The following CERS5 variants were observed in gnomAD, a reference collection of about 807,000 sequenced individuals.
The protein encoded by CERS5 is ceramide synthase 5.
Under a neutral mutation model 58.9 loss-of-function variants are expected in CERS5, and 37 were observed. That is an observed-to-expected ratio of 0.63 (90% CI 0.48 to 0.83). CERS5 has a LOEUF of 0.83. Among genes scored for constraint, CERS5 ranks in the 40% least tolerant of loss-of-function variants. The probability of loss-of-function intolerance (pLI) is 0.00; values close to 1 mark genes in which losing one functional copy is unlikely to be tolerated. For synonymous variants in CERS5, 147 were observed against 177.8 expected (o/e 0.83, Z 1.38); for missense variants, 398 against 489.3 (o/e 0.81, Z 1.76).
intron 1 of CERS5, among the ~76,000 whole-genome samples, chr12:50,159,889 C>G (rs539220511): frequency 6.6e-6 from 1 of 151,886 alleles, no homozygotes; most frequent in Non-Finnish European, 1.5e-5. Flanking sequence ...CCGTGCCCAG[C>G]CTGTAATTTA....
chr12:50,132,074 C>T (rs1447332828), intron 9 of CERS5, among the ~76,000 whole-genome samples: 1 of 151,590 alleles, frequency 6.6e-6, no homozygotes, highest in Non-Finnish European at 1.5e-5. Flanking sequence ...CACTGTACTC[C>T]AGCCTGGGCA....
intron 8 of CERS5, 98 bp from the exon 9 acceptor site, chr12:50,134,800 A>G: frequency 3.5e-6 from 4 of 1,141,548 alleles, no homozygotes; most frequent in Admixed American, 2.3e-5. Context: ...GTGTTTTCCT[A>G]CCAGCCCTTT....
intron 9 of CERS5, among the ~76,000 whole-genome samples, chr12:50,131,246 A>G (rs1951299374): frequency 6.6e-6 from 1 of 152,132 alleles, no homozygotes; most frequent in Non-Finnish European, 1.5e-5. Flanking sequence ...CCCAATAGCA[A>G]GATCACTTTT....
At chr12:50,132,228 C>T (rs1476243096) in intron 9 of CERS5, among the ~76,000 whole-genome samples, 5 of 151,880 alleles carry the variant, frequency 3.3e-5, no homozygotes, top group African/African-American at 7.3e-5. Flanking sequence ...GAAGAAACCC[C>T]GTCTCTACTA....
chr12:50,142,114 G>A lies in CERS5; in HGVS notation c.435-4C>T, dbSNP rs778254438. On this transcript the variant is annotated splice_polypyrimidine_tract_variant and splice_region_variant and intron_variant, in intron 3 of 9. Transcript: ENST00000317551. ...TAAATAAAATGTGAATCTCCACCTG[G>A]GTGGGCAAAGAGTAAAGGTTAGACA... 1 of 1,595,618 alleles carries A rather than the reference G, an allele frequency of 6.3e-7. No individual in the cohort carries two copies. Among genetic ancestry groups the A allele is most frequent in the Admixed American group, 1.7e-5 (1 of 59,032 alleles).
chr12:50,149,533 ACT>A (rs2138161705), intron 1 of CERS5, among the ~76,000 whole-genome samples: 1 of 152,318 alleles, frequency 6.6e-6, no homozygotes, highest in Non-Finnish European at 1.5e-5. Flanking sequence ...TCATTACACC[ACT>A]GATGAATATG....
In CERS5 at chr12:50,165,931, T is replaced by G. The variant is rs111269432; in HGVS notation, c.197+1170A>C. Reference sequence around the variant, plus strand: ...ATAATATCACACACCAAAGCCTCAGTGAATATCTTTATCTTGGACAAACAT... The same window carrying G: ...ATAATATCACACACCAAAGCCTCAGGGAATATCTTTATCTTGGACAAACAT... On this transcript the variant is annotated intron_variant, in intron 1 of 9. Transcript: ENST00000317551. 2,422 of 455,094 alleles carry G rather than the reference T, an allele frequency of 5.3e-3. 13 individuals are homozygous for G. The highest frequency in any genetic ancestry group is 7.1e-3 in the Non-Finnish European group (1,597 of 226,430). 28.2% of individuals were successfully genotyped at this position (455,094 alleles called of 1,614,324 possible).
rs575343003 is a variant in CERS5 at position 50,130,085 on chromosome 12, C to T, written c.*460G>A. ...TTCCAGCTGTGAAAGAGGAACAGTA[C>T]AGAAATGTGGGACTGAACTTGGCTG... On this transcript the variant is annotated 3_prime_UTR_variant, in exon 10 of 10. Transcript: ENST00000317551. 6.5e-6 allele frequency: 1 copy of T among 154,064 alleles called. No homozygotes were observed. Among genetic ancestry groups the T allele is most frequent in the South Asian group, 2.1e-4 (1 of 4,854 alleles). 9.5% of individuals were successfully genotyped at this position (154,064 alleles called of 1,614,324 possible).
Position 50,167,204 on chromosome 12 carries a change from G to C in CERS5, c.94C>G (p.Leu32Val), listed in dbSNP as rs138565968. 280 of 1,607,464 alleles carry C rather than the reference G, an allele frequency of 1.7e-4. 2 individuals carry two copies. The highest frequency in any genetic ancestry group is 1.7e-4 in the Middle Eastern group (1 of 6,054). ...CCGTAGCCGTCGGCCGGCCCCTCCA[G>C]ATCAGCCCAGCTCACGTTCTCGGGT... ...WLPENVSWAD[L>V]EGPADGYGYP... Residue 32 changes from leucine to valine, a missense_variant, in exon 1 of 10, where the codon CTG (leucine) becomes GTG (valine). Around this residue, in one of 3 missense-constraint regions of CERS5, gnomAD observed 328 missense variants for 384.5 expected, o/e 0.85. Transcript: ENST00000317551.
rs1951813604 is a variant in CERS5 at position 50,138,622 on chromosome 12, G to C, written c.493-5C>G. On this transcript the variant is annotated splice_polypyrimidine_tract_variant and splice_region_variant and intron_variant, in intron 4 of 9. Coordinates refer to ENST00000317551, the MANE Select transcript of CERS5 (RefSeq NM_147190.5). ...GATGTCCCAGAACCAAGGTGACTAA[G>C]AGAAAACAGATAATCCATGTCAGTC... is the stretch of plus-strand genomic sequence containing the variant. The C allele has an allele frequency of 6.2e-7, 1 of 1,612,230 alleles. No homozygotes were observed. Among genetic ancestry groups the C allele is most frequent in the Admixed American group, 1.7e-5 (1 of 60,012 alleles).
At chr12:50,145,650 T>A (rs1952226419) in intron 1 of CERS5, among the ~76,000 whole-genome samples, 1 of 151,256 alleles carries the variant, frequency 6.6e-6, no homozygotes, top group African/African-American at 2.4e-5. Flanking sequence ...TAACACATTC[T>A]CTTTTACACC....
intron 9 of CERS5, 193 bp downstream of exon 9, chr12:50,134,353 G>A: frequency 1.4e-6 from 2 of 1,437,004 alleles, no homozygotes; most frequent in Non-Finnish European, 1.8e-6. Context: ...CAGCCTGGGT[G>A]ACAGAGCAAG....
intron 1 of CERS5, chr12:50,144,782 G>C: frequency 6.6e-7 from 1 of 1,525,480 alleles, no homozygotes; most frequent in Non-Finnish European, 8.8e-7. Flanking sequence ...TTGGGTCTTG[G>C]TTTCATCATC....
At chr12:50,148,457 C>A in intron 1 of CERS5, 1 of 225,934 alleles carries the variant, frequency 4.4e-6, no homozygotes. Context: ...ATTAGCCAGG[C>A]ATGGCGGCAC....
chr12:50,131,171 A>G (rs1378154690), intron 9 of CERS5, among the ~76,000 whole-genome samples: 1 of 152,154 alleles, frequency 6.6e-6, no homozygotes, highest in Non-Finnish European at 1.5e-5. Flanking sequence ...CTTTTTTAGT[A>G]GTTTCCCACT....
At chr12:50,135,305 AGGAGTGTGTGTGT>A (rs1951621286) in intron 8 of CERS5, 10 of 216,882 alleles carry the variant, frequency 4.6e-5, no homozygotes, top group East Asian at 2.7e-4. Context: ...AGAGAGAGAG[AGGAGTGTGTGTGT>A]GTGTGTGTGT....
chr12:50,133,236 C>A (rs1247341635), intron 9 of CERS5: 1 of 1,089,574 alleles, frequency 9.2e-7, no homozygotes, highest in Non-Finnish European at 1.1e-6. Flanking sequence ...AGTACCTGCT[C>A]AAGCAGAGCC....
chr12:50,154,684 A>AT (rs1000202158), intron 1 of CERS5, among the ~76,000 whole-genome samples: 16 of 152,128 alleles, frequency 1.1e-4, no homozygotes, highest in African/African-American at 3.6e-4. Flanking sequence ...ATTTATTATT[A>AT]TTTTTTGTCT....
At chr12:50,131,376 T>C (rs1951307281) in intron 9 of CERS5, among the ~76,000 whole-genome samples, 1 of 151,908 alleles carries the variant, frequency 6.6e-6, no homozygotes, top group African/African-American at 2.4e-5. Flanking sequence ...CTGAGCAACA[T>C]GGAGAAACCC....
Sources: gnomAD v4.1 joint callset for allele counts (sites outside exome capture counted in the v4.1 genomes callset) on GRCh38, gnomAD v4.1.1 for gene constraint, gnomAD v4.1.1 regional missense constraint, MANE v1.5 for transcripts, NCBI Gene and HGNC (gene_info 2026-07-23, HGNC 2026-07-21) for gene names.